CTNNA3: variants seen among roughly 807,000 people sequenced by gnomAD.
The protein encoded by CTNNA3 is catenin alpha 3, also known as catenin alpha-3.
CTNNA3 carries 76 observed loss-of-function variants against 95.7 expected under a neutral mutation model. That is an observed-to-expected ratio of 0.79 (90% CI 0.66 to 0.96). The LOEUF is 0.96. CTNNA3 is among the 40% of genes least tolerant of loss of function. The pLI is 0.00. For synonymous variants in CTNNA3, 431 were observed against 374.4 expected, an observed-to-expected ratio of 1.15 and a Z score of -1.74; for missense variants, 1,191 against 1,089.8, an observed-to-expected ratio of 1.09 and a Z score of -1.31.
At chr10:66,949,563 TAA>T (rs5785805) in intron 7 of CTNNA3, among the ~76,000 whole-genome samples, 145 of 139,460 alleles carry the variant, frequency 1.0e-3, no homozygotes, top group East Asian at 4.3e-3. Context: ...CATCTCAAAA[TAA>T]AAAAAAAAAA....
intron 15 of CTNNA3, among the ~76,000 whole-genome samples, chr10:66,011,274 T>C (rs2079000210): frequency 6.6e-6 from 1 of 152,168 alleles, no homozygotes; most frequent in Admixed American, 6.5e-5. Flanking sequence ...TGACCTCATC[T>C]TGTATATTTT....
At chr10:66,159,070 G>C (rs933370443) in intron 13 of CTNNA3, among the ~76,000 whole-genome samples, 8 of 151,476 alleles carry the variant, frequency 5.3e-5, no homozygotes, top group African/African-American at 1.9e-4. Context: ...GGAGTCTTTA[G>C]GGTTTTCAAG....
intron 6 of CTNNA3, among the ~76,000 whole-genome samples, chr10:67,192,003 T>G (rs1863140722): frequency 6.6e-6 from 1 of 151,974 alleles, no homozygotes; most frequent in South Asian, 2.1e-4. Context: ...CTTCAATAAA[T>G]GGTGCTGGGA....
At chr10:66,435,031 G>T (rs1440617648) in intron 11 of CTNNA3, among the ~76,000 whole-genome samples, 1 of 151,700 alleles carries the variant, frequency 6.6e-6, no homozygotes, top group Non-Finnish European at 1.5e-5. Flanking sequence ...TTGATGTGCT[G>T]CTGGATTCAG....
intron 5 of CTNNA3, among the ~76,000 whole-genome samples, chr10:67,387,561 G>C (rs928660025): frequency 3.3e-5 from 5 of 152,214 alleles, no homozygotes; most frequent in Non-Finnish European, 7.3e-5. Flanking sequence ...GCCCACCACA[G>C]CTCAAGGAGG....
intron 7 of CTNNA3, among the ~76,000 whole-genome samples, chr10:66,780,601 A>G (rs1221857366): frequency 6.6e-6 from 1 of 152,234 alleles, no homozygotes; most frequent in African/African-American, 2.4e-5. Flanking sequence ...TGAAGGGCTC[A>G]TAAAGAGCTC....
intron 17 of CTNNA3, among the ~76,000 whole-genome samples, chr10:65,923,454 TC>T (rs1336850115): frequency 1.3e-5 from 2 of 152,212 alleles, no homozygotes; most frequent in African/African-American, 4.8e-5. Context: ...CTTAATACAT[TC>T]TTTTGTTTCT....
At chr10:66,946,442 T>A (rs1335917385) in intron 7 of CTNNA3, among the ~76,000 whole-genome samples, 1 of 152,116 alleles carries the variant, frequency 6.6e-6, no homozygotes, top group East Asian at 1.9e-4. Flanking sequence ...ATGGTCAATG[T>A]ACAGCTTGAT....
At chr10:67,577,702 ATGTGTG>A (rs112856846) in intron 3 of CTNNA3, among the ~76,000 whole-genome samples, 5 of 149,290 alleles carry the variant, frequency 3.3e-5, no homozygotes, top group African/African-American at 7.4e-5. Context: ...ATACACACAT[ATGTGTG>A]TGTGTGTGTG....
intron 8 of CTNNA3, among the ~76,000 whole-genome samples, chr10:66,770,628 T>C (rs1334955974): frequency 6.6e-6 from 1 of 152,084 alleles, no homozygotes; most frequent in African/African-American, 2.4e-5. Context: ...CTCAAAATAA[T>C]ATATATCACT....
chr10:66,705,385 T>C (rs1427751110), intron 9 of CTNNA3, among the ~76,000 whole-genome samples: 1 of 152,048 alleles, frequency 6.6e-6, no homozygotes, highest in Non-Finnish European at 1.5e-5. Flanking sequence ...AGTTGGGAAG[T>C]AGTTTCTCTG....
At chr10:66,873,976 T>C (rs1844512819) in intron 7 of CTNNA3, among the ~76,000 whole-genome samples, 1 of 152,146 alleles carries the variant, frequency 6.6e-6, no homozygotes, top group African/African-American at 2.4e-5. Context: ...ATGTAAGCAT[T>C]TTGAGCAGGG....
At chr10:67,525,097 T>A (rs1351646246) in intron 4 of CTNNA3, among the ~76,000 whole-genome samples, 1 of 152,000 alleles carries the variant, frequency 6.6e-6, no homozygotes, top group Non-Finnish European at 1.5e-5. Flanking sequence ...TAGTTTTGAG[T>A]GGGAATTTAA....
chr10:67,503,723 T>C (rs1282579045), intron 5 of CTNNA3, among the ~76,000 whole-genome samples: 2 of 152,180 alleles, frequency 1.3e-5, no homozygotes, highest in East Asian at 3.8e-4. Flanking sequence ...TATGCCAACA[T>C]TCTTAGATAT....
chr10:67,567,667 T>C (rs1841855089), intron 3 of CTNNA3, among the ~76,000 whole-genome samples: 1 of 152,124 alleles, frequency 6.6e-6, no homozygotes, highest in Non-Finnish European at 1.5e-5. Flanking sequence ...TCGGTAGTTA[T>C]GCCTACCAGA....
chr10:67,730,556 G>A (rs1841268643), intron 1 of CTNNA3, among the ~76,000 whole-genome samples: 1 of 152,096 alleles, frequency 6.6e-6, no homozygotes, highest in Non-Finnish European at 1.5e-5. Context: ...AAGAATAGAA[G>A]ACATTACGGA....
intron 7 of CTNNA3, among the ~76,000 whole-genome samples, chr10:67,026,297 A>G (rs1853386329): frequency 6.6e-6 from 1 of 152,098 alleles, no homozygotes; most frequent in Non-Finnish European, 1.5e-5. Flanking sequence ...AATACTTATG[A>G]CCATCTGGCA....
At chr10:66,992,067 G>T (rs1851070795) in intron 7 of CTNNA3, among the ~76,000 whole-genome samples, 1 of 152,090 alleles carries the variant, frequency 6.6e-6, no homozygotes, top group Admixed American at 6.5e-5. Flanking sequence ...ATTAGGATAT[G>T]GACTTCCTCA....
chr10:67,272,363 G>C (rs1167893238), intron 5 of CTNNA3, among the ~76,000 whole-genome samples: 2 of 151,908 alleles, frequency 1.3e-5, no homozygotes, highest in East Asian at 1.9e-4. Flanking sequence ...ACCAGCCTGG[G>C]CAATATCGAG....
Sources: allele counts gnomAD v4.1 joint callset (sites outside exome capture counted in the v4.1 genomes callset), GRCh38; gene constraint gnomAD v4.1.1; transcripts MANE v1.5; gene names NCBI Gene and HGNC (gene_info 2026-07-23, HGNC 2026-07-21).